Variants in CACNA1D observed in about 807,000 individuals in gnomAD.
CACNA1D encodes voltage-dependent L-type calcium channel subunit alpha-1D.
CACNA1D carries 55 observed loss-of-function variants against 257.1 expected under a neutral mutation model. The ratio of observed to expected loss-of-function variants is 0.21; its 90% CI spans 0.17 to 0.27. CACNA1D has a LOEUF of 0.27. Ranked by LOEUF, CACNA1D falls within the 10% of genes least tolerant of loss-of-function variation. The pLI is 1.00. For synonymous variants in CACNA1D, 980 were observed against 1,014.9 expected (o/e 0.97, Z 0.65); for missense variants, 1,876 against 2,784.0 (o/e 0.67, Z 7.34).
intron 3 of CACNA1D, among the ~76,000 whole-genome samples, chr3:53,621,405 C>A (rs1410026590): frequency 1.3e-5 from 2 of 152,084 alleles, no homozygotes; most frequent in African/African-American, 2.4e-5. Context: ...TTTCCTTATG[C>A]CAATAGTAAG....
chr3:53,530,685 A>G (rs2091917916), intron 3 of CACNA1D, among the ~76,000 whole-genome samples: 1 of 152,138 alleles, frequency 6.6e-6, no homozygotes, highest in African/African-American at 2.4e-5. Context: ...GGTGGTGTGC[A>G]TGTTCTCCAA....
At position 53,723,079 on chromosome 3, in the gene CACNA1D, A is replaced by G. The variant is rs1359239218; in HGVS notation, c.1667-355A>G. ...TTTCTGTGTGATTGAATGAAAAAAT[A>G]TGTATAACCTGATGGTGTCAACGCA... On this transcript the variant is annotated intron_variant, in intron 12 of 47. Coordinates refer to ENST00000350061, the MANE Select transcript of CACNA1D (RefSeq NM_001128840.3). The surrounding 1 kb of genome is among the most constrained non-coding windows in gnomAD (Gnocchi z 5.6). Among the ~76,000 whole-genome samples the G allele has an allele frequency of 6.6e-6, 1 of 152,212 alleles. No homozygotes were observed. The highest frequency in any genetic ancestry group is 1.5e-5 in the Non-Finnish European group (1 of 68,040).
rs537504540 is a variant in CACNA1D at position 53,811,977 on chromosome 3, C to T, written c.*571C>T. 1.3e-5 allele frequency: 2 copies of T among 152,566 alleles called. No homozygotes were observed. The highest frequency in any genetic ancestry group is 2.4e-5 in the African/African-American group (1 of 41,406). 9.5% of individuals were successfully genotyped at this position (152,566 alleles called of 1,614,324 possible). A position where few individuals can be genotyped will look rare whatever the true frequency, so the allele number is the denominator to read the frequency against. ...AGAACCCAGCTACCAGTGATTATTG[C>T]GAGGGCAATGGGACCTCATAAATAA... On this transcript the variant is annotated 3_prime_UTR_variant, in exon 48 of 48. Transcript: ENST00000350061. The surrounding 1 kb of genome is among the most constrained non-coding windows in gnomAD (Gnocchi z 4.2).
rs1353609481 is a variant in CACNA1D, at chr3:53,789,267, A to G, written c.4923+2315A>G. Among the ~76,000 whole-genome samples the G allele has an allele frequency of 1.3e-5, 2 of 152,264 alleles. No homozygotes were observed. Among genetic ancestry groups the G allele is most frequent in the African/African-American group, 4.8e-5 (2 of 41,468 alleles). ...GCATCGTCTGTAATTTATGTTGAGA[A>G]TGCAGCCTGGAAAATTAAGTTGTGT... On this transcript the variant is annotated intron_variant, in intron 40 of 47. Coordinates refer to ENST00000350061, the MANE Select transcript of CACNA1D (RefSeq NM_001128840.3). This position sits in a 1 kb window ranked among gnomAD's most constrained non-coding sequence, Gnocchi z 4.2.
intron 3 of CACNA1D, among the ~76,000 whole-genome samples, chr3:53,610,196 A>T (rs1248601603): frequency 6.6e-6 from 1 of 152,218 alleles, no homozygotes; most frequent in Non-Finnish European, 1.5e-5. Context: ...CTGGAAAATC[A>T]TGTTTATTGG....
intron 25 of CACNA1D, 112 bp downstream of exon 25, chr3:53,745,987 G>C: frequency 1.2e-6 from 1 of 800,170 alleles, no homozygotes; most frequent in Admixed American, 1.9e-5. Context: ...ATAGGCCTGT[G>C]TGCTCAGCTT....
chr3:53,682,388 A>AAAAAAAAAAAAAAAAAC, intron 8 of CACNA1D, among the ~76,000 whole-genome samples: 1 of 134,114 alleles, frequency 7.5e-6, no homozygotes, highest in Admixed American at 7.7e-5. Context: ...AAAAAAAAAA[A>AAAAAAAAAAAAAAAAAC]AAAAAAAACA....
intron 3 of CACNA1D, among the ~76,000 whole-genome samples, chr3:53,636,306 G>A (rs1044938908): frequency 2.0e-5 from 3 of 151,982 alleles, no homozygotes; most frequent in Admixed American, 2.0e-4. Context: ...AAATATATGC[G>A]ATTTATTTGT....
At chr3:53,783,810 G>A (rs2095438699) in intron 39 of CACNA1D, among the ~76,000 whole-genome samples, 1 of 152,158 alleles carries the variant, frequency 6.6e-6, no homozygotes. Context: ...AGCATACTTA[G>A]AAAAGGATAT....
intron 7 of CACNA1D, among the ~76,000 whole-genome samples, chr3:53,671,800 C>T (rs375516285): frequency 1.6e-3 from 239 of 152,300 alleles, no homozygotes; most frequent in African/African-American, 5.4e-3. Context: ...GCACGAGCCT[C>T]ATTCTGTAAA....
At chr3:53,611,959 G>A (rs893760597) in intron 3 of CACNA1D, among the ~76,000 whole-genome samples, 4 of 152,172 alleles carry the variant, frequency 2.6e-5, no homozygotes, top group African/African-American at 9.7e-5. Context: ...CTGGGATTAG[G>A]TCTATCGGCC....
At chr3:53,632,040 AGCCC>A (rs2093827315) in intron 3 of CACNA1D, among the ~76,000 whole-genome samples, 1 of 152,250 alleles carries the variant, frequency 6.6e-6, no homozygotes, top group Admixed American at 6.5e-5. Context: ...CAGCTGCATT[AGCCC>A]CTAACAAGAG....
chr3:53,498,584 G>T (rs1418503369), intron 2 of CACNA1D, among the ~76,000 whole-genome samples: 1 of 152,164 alleles, frequency 6.6e-6, no homozygotes, highest in Non-Finnish European at 1.5e-5. Context: ...TGTGAATGTA[G>T]GAATTCCCTC....
At chr3:53,691,844 A>ATTATATC (rs1354783146) in intron 8 of CACNA1D, among the ~76,000 whole-genome samples, 2 of 114,776 alleles carry the variant, frequency 1.7e-5, no homozygotes, top group Non-Finnish European at 3.5e-5. Context: ...TATATTACAT[A>ATTATATC]TATAATATAT....
intron 21 of CACNA1D, among the ~76,000 whole-genome samples, chr3:53,742,727 G>A (rs557199139): frequency 1.3e-5 from 2 of 152,314 alleles, no homozygotes; most frequent in East Asian, 3.9e-4. Context: ...CTCTTAGACA[G>A]GCTCTTTGGA....
At chr3:53,527,107 C>A (rs1002538928) in intron 3 of CACNA1D, among the ~76,000 whole-genome samples, 5 of 152,176 alleles carry the variant, frequency 3.3e-5, no homozygotes, top group Middle Eastern at 3.2e-3. Context: ...TCATTCAATC[C>A]TAGAACAATC....
intron 8 of CACNA1D, among the ~76,000 whole-genome samples, chr3:53,688,755 A>G (rs2094494962): frequency 6.6e-6 from 1 of 152,200 alleles, no homozygotes; most frequent in African/African-American, 2.4e-5. Context: ...ATAAAACATT[A>G]ATCCACAGTG....
At position 53,810,758 on chromosome 3, in the gene CACNA1D, C is replaced by CAAAAAAAA. The variant is rs71074934; in HGVS notation, c.6193-334_6193-327dup. Among the ~76,000 whole-genome samples, 211 of 68,284 alleles carry CAAAAAAAA rather than the reference C, an allele frequency of 3.1e-3. 12 individuals are homozygous for CAAAAAAAA. Among genetic ancestry groups the CAAAAAAAA allele is most frequent in the African/African-American group, 0.013 (160 of 11,868 alleles). The allele number at this position is 68,284 out of a possible 152,430, so 44.8% of individuals were successfully genotyped here. On this transcript the variant is annotated intron_variant, in intron 47 of 47. Transcript: ENST00000350061. Reference sequence around the variant, plus strand: ...GGGCCACAGAGCGAGACTCTTGTCTCAAAAAAAAAAAAAAAAAAAAAAAAA... The same window carrying CAAAAAAAA: ...GGGCCACAGAGCGAGACTCTTGTCTCAAAAAAAAAAAAAAAAAAAAAAAAAAAAAAAAA...
chr3:53,715,320 C>A (rs1207040434), intron 9 of CACNA1D, among the ~76,000 whole-genome samples: 1 of 152,114 alleles, frequency 6.6e-6, no homozygotes, highest in East Asian at 1.9e-4. Context: ...CTTTAGGTGT[C>A]AAACAACTAT....
Sources: allele counts gnomAD v4.1 joint callset (sites outside exome capture counted in the v4.1 genomes callset), GRCh38; gene constraint gnomAD v4.1.1; non-coding constraint Gnocchi (gnomAD v3.1); transcripts MANE v1.5; gene names NCBI Gene and HGNC (gene_info 2026-07-23, HGNC 2026-07-21).